Variants in SAMMSON observed in about 807,000 individuals in gnomAD.
SAMMSON encodes long intergenic non-protein coding RNA 1212.
chr3:70,066,676 A>G (rs2067211356), intron 3 of SAMMSON, among the ~76,000 whole-genome samples: 1 of 152,132 alleles, frequency 6.6e-6, no homozygotes, highest in African/African-American at 2.4e-5. Flanking sequence ...CTGGTAAAAA[A>G]TAGATTGAAG....
intron 9 of SAMMSON, among the ~76,000 whole-genome samples, chr3:70,369,901 T>C (rs947794076): frequency 6.6e-6 from 1 of 151,844 alleles, no homozygotes; most frequent in African/African-American, 2.4e-5. Flanking sequence ...CTGTTGAACA[T>C]TAGAACTTAT....
In SAMMSON at chr3:70,148,315, G is replaced by A. The variant is rs191175504; in HGVS notation, n.507+76750G>A. Among the ~76,000 whole-genome samples, 158 of 152,136 alleles carry A rather than the reference G, an allele frequency of 1.0e-3. 5 individuals carry two copies. In the East Asian group the frequency reaches 0.029, roughly 28 times the overall value. The stretch of plus-strand genomic sequence containing the variant: ...GAGGAATAAAAACAAGTTCACACAA[G>A]AAACTACACATGAATTATTATCCTC... On this transcript the variant is annotated intron_variant and non_coding_transcript_variant, in intron 4 of 9. Transcript: ENST00000642114.
intron 4 of SAMMSON, among the ~76,000 whole-genome samples, chr3:70,107,349 G>A (rs1433805252): frequency 1.3e-5 from 2 of 151,690 alleles, no homozygotes; most frequent in East Asian, 1.9e-4. Flanking sequence ...AGGGAGGGAA[G>A]GTTTGAGAAA....
intron 4 of SAMMSON, among the ~76,000 whole-genome samples, chr3:70,101,574 GA>G (rs1475087138): frequency 6.6e-6 from 1 of 152,050 alleles, no homozygotes; most frequent in East Asian, 1.9e-4. Flanking sequence ...GTGTTTTTGA[GA>G]AAAAAGTACC....
intron 6 of SAMMSON, among the ~76,000 whole-genome samples, chr3:70,269,592 C>T (rs974769293): frequency 9.2e-5 from 14 of 152,246 alleles, no homozygotes; most frequent in South Asian, 4.2e-4. Flanking sequence ...GGTTCAGGGG[C>T]TGCCCAGTTC....
chr3:70,186,242 C>A (rs1222397219), intron 4 of SAMMSON, among the ~76,000 whole-genome samples: 1 of 149,368 alleles, frequency 6.7e-6, no homozygotes, highest in Non-Finnish European at 1.5e-5. Flanking sequence ...CAGTAATGTT[C>A]TTCTCATTTT....
intron 7 of SAMMSON, among the ~76,000 whole-genome samples, chr3:70,331,128 C>T (rs914495821): frequency 6.6e-6 from 1 of 152,186 alleles, no homozygotes; most frequent in East Asian, 1.9e-4. Flanking sequence ...CGTATGAGCT[C>T]TAAAGATTAT....
chr3:70,000,550 A>G (rs1310005990), intron 1 of SAMMSON, among the ~76,000 whole-genome samples: 1 of 152,236 alleles, frequency 6.6e-6, no homozygotes, highest in Non-Finnish European at 1.5e-5. Context: ...AAATGTAAAC[A>G]TATTTCTGTT....
intron 7 of SAMMSON, among the ~76,000 whole-genome samples, chr3:70,293,624 G>A (rs774798150): frequency 6.6e-6 from 1 of 152,006 alleles, no homozygotes; most frequent in Non-Finnish European, 1.5e-5. Context: ...CTTGGTTTTT[G>A]CCACCAAATA....
At chr3:70,082,565 T>G (rs978250246) in intron 4 of SAMMSON, among the ~76,000 whole-genome samples, 4 of 152,190 alleles carry the variant, frequency 2.6e-5, no homozygotes, top group African/African-American at 9.7e-5. Flanking sequence ...TTTCTGCTCC[T>G]TTTCTTGCTT....
intron 1 of SAMMSON, among the ~76,000 whole-genome samples, chr3:70,012,018 T>C (rs2066958157): frequency 6.6e-6 from 1 of 151,988 alleles, no homozygotes; most frequent in Non-Finnish European, 1.5e-5. Context: ...GAGAAAGGGA[T>C]GGTGTGAATG....
intron 4 of SAMMSON, among the ~76,000 whole-genome samples, chr3:70,080,808 A>G (rs1437532918): frequency 1.3e-5 from 2 of 151,974 alleles, no homozygotes; most frequent in African/African-American, 4.8e-5. Flanking sequence ...CAATATAACG[A>G]TATTGCAAAA....
intron 6 of SAMMSON, among the ~76,000 whole-genome samples, chr3:70,274,215 A>G (rs1702000954): frequency 6.6e-6 from 1 of 151,856 alleles, no homozygotes; most frequent in East Asian, 1.9e-4. Flanking sequence ...TTTGTAGAGA[A>G]AGACAATTGA....
chr3:70,311,525 A>G (rs912755222), intron 7 of SAMMSON, among the ~76,000 whole-genome samples: 1 of 152,226 alleles, frequency 6.6e-6, no homozygotes, highest in Non-Finnish European at 1.5e-5. Flanking sequence ...TGTGATTATT[A>G]TTTAAAAATA....
In SAMMSON at chr3:70,385,131, A is replaced by G. The variant is rs149679905; in HGVS notation, n.914-4443A>G. Among the ~76,000 whole-genome samples the G allele has an allele frequency of 8.3e-4, 127 of 152,234 alleles. 2 individuals are homozygous for G. The highest frequency in any genetic ancestry group is 3.0e-3 in the African/African-American group (125 of 41,564). On this transcript the variant is annotated intron_variant and non_coding_transcript_variant, in intron 9 of 9. Coordinates refer to ENST00000642114, the Ensembl canonical transcript of SAMMSON. ...TGAACTTTGATAGACAAGGTGGTGT[A>G]GAAGAAAAAGCACGGTGTTGTAGTT...
chr3:70,151,982 T>C (rs534180062), intron 4 of SAMMSON, among the ~76,000 whole-genome samples: 1 of 152,166 alleles, frequency 6.6e-6, no homozygotes, highest in Admixed American at 6.6e-5. Context: ...AAGGATGTTT[T>C]ACAGCTGCAG....
intron 1 of SAMMSON, among the ~76,000 whole-genome samples, chr3:70,005,458 T>G (rs1310165165): frequency 6.6e-6 from 1 of 152,130 alleles, no homozygotes; most frequent in African/African-American, 2.4e-5. Flanking sequence ...CCATGTGGTG[T>G]TTCATCATTT....
chr3:70,318,230 C>T (rs1484168001), intron 7 of SAMMSON, among the ~76,000 whole-genome samples: 1 of 151,868 alleles, frequency 6.6e-6, no homozygotes, highest in African/African-American at 2.4e-5. Flanking sequence ...TGTATTTCTC[C>T]CTCTAGGATT....
downstream of SAMMSON, among the ~76,000 whole-genome samples, chr3:70,390,214 C>G (rs975223041): frequency 6.6e-6 from 1 of 152,084 alleles, no homozygotes; most frequent in Non-Finnish European, 1.5e-5. Flanking sequence ...AAAATAACCA[C>G]TTTACAGAGG....
Sources: allele counts gnomAD v4.1 joint callset (sites outside exome capture counted in the v4.1 genomes callset), GRCh38; gene constraint gnomAD v4.1.1; transcripts MANE v1.5; gene names NCBI Gene and HGNC (gene_info 2026-07-23, HGNC 2026-07-21).